NFASC: variants seen among roughly 807,000 people sequenced by gnomAD.
NFASC encodes neurofascin homolog.
NFASC carries 43 observed loss-of-function variants against 147.5 expected under a neutral mutation model. The ratio of observed to expected loss-of-function variants is 0.29; its 90% CI spans 0.23 to 0.38. NFASC has a LOEUF of 0.38. Among genes scored for constraint, NFASC ranks in the 10% least tolerant of loss-of-function variants. The pLI, the probability that NFASC is intolerant of heterozygous loss-of-function variation, is 1.00. For missense variants in NFASC, 1,320 were observed against 1,689.0 expected (o/e 0.78, Z 3.83); for synonymous variants, 622 against 665.5 (o/e 0.93, Z 1.01).
intron 1 of NFASC, among the ~76,000 whole-genome samples, chr1:204,908,621 C>T (rs2086588780): frequency 1.3e-5 from 2 of 152,042 alleles, no homozygotes; most frequent in African/African-American, 4.8e-5. Context: ...AATATCACAA[C>T]CAGGATATTG....
Position 204,954,025 on chromosome 1 carries a change from GTTC to G in NFASC, c.216-158_216-156del, listed in dbSNP as rs1168664196. 2.6e-5 allele frequency among the ~76,000 whole-genome samples: 4 copies of G among 152,092 alleles called. No individual in the cohort carries two copies. Among genetic ancestry groups the G allele is most frequent in the Admixed American group, 1.3e-4 (2 of 15,276 alleles). ...TGCATTTTATTGAGCTCTCCAGATG[GTTC>G]TTCTGCTCAGCCAGGCTGAGACCTG... On this transcript the variant is annotated intron_variant, in intron 5 of 29. Transcript: ENST00000339876. This position sits in a 1 kb window ranked among gnomAD's most constrained non-coding sequence, Gnocchi z 5.7.
chr1:204,949,035 T>C (rs753353233), intron 3 of NFASC, among the ~76,000 whole-genome samples: 1 of 152,234 alleles, frequency 6.6e-6, no homozygotes, highest in South Asian at 2.1e-4. Context: ...TCAGAAGCCA[T>C]AGATTTTTGC....
At chr1:204,922,575 GCTCT>G (rs2090707098) in intron 2 of NFASC, among the ~76,000 whole-genome samples, 1 of 152,118 alleles carries the variant, frequency 6.6e-6, no homozygotes. Context: ...ATAAACTAAG[GCTCT>G]CTGAGAAGTT....
chr1:204,914,618 T>C (rs950260919), intron 1 of NFASC, among the ~76,000 whole-genome samples: 6 of 152,206 alleles, frequency 3.9e-5, no homozygotes, highest in African/African-American at 7.2e-5. Context: ...ATCTTACTTA[T>C]AGTAAGAGAA....
chr1:205,001,226 A>C lies in NFASC; in HGVS notation c.3076A>C (p.Asn1026His). The C allele has an allele frequency of 6.2e-7, 1 of 1,613,058 alleles. No homozygotes were observed. The highest frequency in any genetic ancestry group is 8.5e-7 in the Non-Finnish European group (1 of 1,179,538). The stretch of plus-strand genomic sequence containing the variant: ...GGTGCTCCCCAACAGTAAATGGGCC[A>C]ACATCACCTGGAAGCACAATTTCGG... ...VTVLPNSKWA[N>H]ITWKHNFGPG... Residue 1026 changes from asparagine to histidine, a missense_variant, in exon 26 of 30, where the codon AAC becomes CAC. Physicochemically the swap from Asn to His is moderately conservative, Grantham distance 68. Transcript: ENST00000339876.
At chr1:204,974,420 C>A in intron 13 of NFASC, 130 bp downstream of exon 13, 1 of 820,990 alleles carries the variant, frequency 1.2e-6, no homozygotes, top group South Asian at 1.5e-5. Context: ...AGGAAGTTAG[C>A]AGATCATCTG....
At chr1:204,831,149 G>A (rs1672120180) in intron 1 of NFASC, among the ~76,000 whole-genome samples, 2 of 152,172 alleles carry the variant, frequency 1.3e-5, no homozygotes, top group Non-Finnish European at 2.9e-5. Context: ...CTTGACTGGA[G>A]CTCAGGTGAA....
chr1:204,909,324 G>A (rs1366057268), intron 1 of NFASC, among the ~76,000 whole-genome samples: 2 of 151,984 alleles, frequency 1.3e-5, no homozygotes, highest in East Asian at 1.9e-4. Context: ...TCTCATTGTG[G>A]TTTTAATTTG....
chr1:204,869,065 TG>T (rs1241191451), intron 1 of NFASC, among the ~76,000 whole-genome samples: 38 of 152,174 alleles, frequency 2.5e-4, no homozygotes, highest in Admixed American at 2.5e-3. Flanking sequence ...CCATTAGCCC[TG>T]TATTCATTAT....
At chr1:204,842,779 G>A (rs1262097108) in intron 1 of NFASC, among the ~76,000 whole-genome samples, 1 of 152,226 alleles carries the variant, frequency 6.6e-6, no homozygotes, top group East Asian at 1.9e-4. Flanking sequence ...GAACTACTGG[G>A]GCTTTGATGG....
intron 5 of NFASC, 28 bp downstream of exon 5, chr1:204,952,144 G>A: frequency 6.5e-7 from 1 of 1,529,152 alleles, no homozygotes; most frequent in Non-Finnish European, 9.1e-7. Flanking sequence ...AGAGTGCATT[G>A]AAACCACCCG....
chr1:204,982,100 TTGGGGTGGGTA>T lies in NFASC; in HGVS notation c.2470+85_2470+95del. 3.1e-6 allele frequency: 3 copies of T among 960,886 alleles called. No homozygotes were observed. The South Asian group carries it at 5.8e-5, about 19-fold the overall frequency. 59.5% of individuals were successfully genotyped at this position (960,886 alleles called of 1,614,324 possible). A position where few individuals can be genotyped will look rare whatever the true frequency, so the allele number is the denominator to read the frequency against. ...AGGCCACGCTCACAGGCCAGGAACCTTGGGGTGGGTATGGGAGGACAGCCAGTTCCCAGGAA... is the reference window on the plus strand; with the variant it reads ...AGGCCACGCTCACAGGCCAGGAACCTTGGGAGGACAGCCAGTTCCCAGGAA... On this transcript the variant is annotated intron_variant, in intron 21 of 29. Coordinates refer to ENST00000339876, the MANE Select transcript of NFASC (RefSeq NM_001005388.3).
rs765788120 is a variant in NFASC, at chr1:204,979,454, C to T, written c.2071C>T (p.Arg691Trp). ...CGGCAGCGTTAACTCAGCCGTCCTC[C>T]GGCTGTCCCCGTATGTCAACTACCA... ...YPGSVNSAVL[R>W]LSPYVNYQFR... is the part of the protein sequence containing the mutation. Residue 691 changes from arginine to tryptophan, a missense_variant, in exon 19 of 30, where the codon CGG becomes TGG. Transcript: ENST00000339876. This position sits in a 1 kb window ranked among gnomAD's most constrained non-coding sequence, Gnocchi z 6.0. 20 of 1,613,904 alleles carry T rather than the reference C, an allele frequency of 1.2e-5. No homozygotes were observed. The highest frequency in any genetic ancestry group is 4.5e-5 in the East Asian group (2 of 44,898).
intron 3 of NFASC, among the ~76,000 whole-genome samples, chr1:204,945,447 G>A (rs2093659108): frequency 2.6e-5 from 4 of 152,244 alleles, no homozygotes; most frequent in African/African-American, 9.6e-5. Context: ...TGGTCCTGGA[G>A]TTACCACAGT....
At position 204,986,373 on chromosome 1, in the gene NFASC, G is replaced by A. The variant is rs1365736124; in HGVS notation, c.2471-1045G>A. 2.6e-5 allele frequency among the ~76,000 whole-genome samples: 4 copies of A among 152,242 alleles called. No individual in the cohort carries two copies. Among genetic ancestry groups the A allele is most frequent in the Non-Finnish European group, 5.9e-5 (4 of 68,046 alleles). The stretch of plus-strand genomic sequence containing the variant: ...GACATAATTCCAGACGGGTTATGCA[G>A]ACTGATCCCCGAGGGCACGGCGGGC... On this transcript the variant is annotated intron_variant, in intron 21 of 29. Transcript: ENST00000339876. The surrounding 1 kb of genome is among the most constrained non-coding windows in gnomAD (Gnocchi z 4.2).
intron 1 of NFASC, among the ~76,000 whole-genome samples, chr1:204,909,026 G>A (rs1558062346): frequency 6.6e-6 from 1 of 152,122 alleles, no homozygotes. Context: ...TGCCTATTAT[G>A]AATAAAGCTG....
chr1:204,838,090 A>G lies in NFASC; in HGVS notation c.-200+9308A>G, dbSNP rs541328976. On this transcript the variant is annotated intron_variant, in intron 1 of 29. Transcript: ENST00000339876. The stretch of plus-strand genomic sequence containing the variant: ...CAGAACACCGTACTCATTACTTCAA[A>G]TGAAACATCTAAATGCTTTATATTA... 5.9e-5 allele frequency among the ~76,000 whole-genome samples: 9 copies of G among 152,330 alleles called. No individual in the cohort carries two copies. The South Asian group carries it at 1.9e-3, about 32-fold the overall frequency.
At chr1:204,913,613 A>G (rs1403630517) in intron 1 of NFASC, among the ~76,000 whole-genome samples, 1 of 152,204 alleles carries the variant, frequency 6.6e-6, no homozygotes, top group African/African-American at 2.4e-5. Context: ...CATCTTATAT[A>G]CAGTTAGATC....
chr1:204,889,791 T>A (rs1176025124), intron 1 of NFASC, among the ~76,000 whole-genome samples: 1 of 152,192 alleles, frequency 6.6e-6, no homozygotes, highest in Non-Finnish European at 1.5e-5. Context: ...ATTGGTGAGA[T>A]TTATCTGGCG....
Sources: allele counts gnomAD v4.1 joint callset (sites outside exome capture counted in the v4.1 genomes callset), GRCh38; gene constraint gnomAD v4.1.1; non-coding constraint Gnocchi (gnomAD v3.1); transcripts MANE v1.5; gene names NCBI Gene and HGNC (gene_info 2026-07-23, HGNC 2026-07-21).